MAPKAP1: variants seen among roughly 807,000 people sequenced by gnomAD.
The protein encoded by MAPKAP1 is target of rapamycin complex 2 subunit MAPKAP1.
Under a neutral mutation model 65.7 loss-of-function variants are expected in MAPKAP1, and 20 were observed. The ratio of observed to expected loss-of-function variants is 0.30; its 90% CI spans 0.21 to 0.44. The LOEUF is 0.44. Among genes scored for constraint, MAPKAP1 ranks in the 20% least tolerant of loss-of-function variants. The pLI, the probability that MAPKAP1 is intolerant of heterozygous loss-of-function variation, is 1.00. For missense variants in MAPKAP1, 423 were observed against 648.0 expected, an observed-to-expected ratio of 0.65 and a Z score of 3.77; for synonymous variants, 222 against 244.3, an observed-to-expected ratio of 0.91 and a Z score of 0.85.
intron 11 of MAPKAP1, 133 bp downstream of exon 11, chr9:125,444,365 ACTC>A (rs1852616438): frequency 1.5e-6 from 1 of 659,734 alleles, no homozygotes; most frequent in African/African-American, 1.8e-5. Context: ...AAGCTGCGAC[ACTC>A]CTCCTCTGCC....
chr9:125,543,661 T>C (rs1460894471), intron 6 of MAPKAP1, among the ~76,000 whole-genome samples: 1 of 152,014 alleles, frequency 6.6e-6, no homozygotes. Context: ...AAATGGTGGG[T>C]GGCGGGGGGG....
chr9:125,595,829 G>T lies in MAPKAP1; in HGVS notation c.499-10102C>A. ...GAAAGATTCCAACACCAAGCGTTCC[G>T]GGGGTTTTGGGTTTGTCACCTATGC... On this transcript the variant is annotated intron_variant, in intron 4 of 11. Transcript: ENST00000265960. The surrounding 1 kb of genome is among the most constrained non-coding windows in gnomAD (Gnocchi z 4.0). The T allele has an allele frequency of 8.9e-7, 1 of 1,120,974 alleles. No homozygotes were observed. Among genetic ancestry groups the T allele is most frequent in the South Asian group, 1.2e-5 (1 of 81,150 alleles). The allele number at this position is 1,120,974 out of a possible 1,614,324, so 69.4% of individuals were successfully genotyped here.
chr9:125,445,746 C>T (rs756259735), intron 10 of MAPKAP1, among the ~76,000 whole-genome samples: 39 of 152,268 alleles, frequency 2.6e-4, no homozygotes, highest in African/African-American at 8.9e-4. Flanking sequence ...GGGGCTGCCC[C>T]GGCCTATCGG....
intron 8 of MAPKAP1, among the ~76,000 whole-genome samples, chr9:125,485,630 C>G (rs1226024703): frequency 2.6e-5 from 4 of 152,192 alleles, no homozygotes; most frequent in African/African-American, 9.7e-5. Context: ...TGCCCTTGGC[C>G]TAGAACAACC....
chr9:125,530,137 C>T (rs530974306), intron 7 of MAPKAP1, among the ~76,000 whole-genome samples: 79 of 152,256 alleles, frequency 5.2e-4, no homozygotes, highest in African/African-American at 1.8e-3. Flanking sequence ...GGTGGGGTAA[C>T]TCTACTAAAG....
intron 10 of MAPKAP1, among the ~76,000 whole-genome samples, chr9:125,446,999 T>C (rs1188173446): frequency 6.6e-6 from 1 of 152,110 alleles, no homozygotes; most frequent in Non-Finnish European, 1.5e-5. Context: ...ACTATGGTGC[T>C]TGTGAAGCAT....
At chr9:125,698,749 G>C (rs1415145138) in intron 1 of MAPKAP1, among the ~76,000 whole-genome samples, 1 of 152,138 alleles carries the variant, frequency 6.6e-6, no homozygotes, top group East Asian at 1.9e-4. Flanking sequence ...CTAACAAAGA[G>C]CAGTTACAGG....
intron 7 of MAPKAP1, among the ~76,000 whole-genome samples, chr9:125,540,236 G>A (rs1830202666): frequency 6.6e-6 from 1 of 152,238 alleles, no homozygotes; most frequent in African/African-American, 2.4e-5. Flanking sequence ...TGGGGAAGGA[G>A]TGCCAGACTG....
At chr9:125,545,531 G>C (rs1211595485) in intron 6 of MAPKAP1, among the ~76,000 whole-genome samples, 1 of 152,200 alleles carries the variant, frequency 6.6e-6, no homozygotes, top group Non-Finnish European at 1.5e-5. Flanking sequence ...TGGACCTCAT[G>C]AACTGCCATC....
At chr9:125,451,963 C>T (rs1179067480) in intron 10 of MAPKAP1, among the ~76,000 whole-genome samples, 1 of 152,162 alleles carries the variant, frequency 6.6e-6, no homozygotes, top group Non-Finnish European at 1.5e-5. Context: ...GCGCCTGCCA[C>T]CACGCCAGGC....
intron 7 of MAPKAP1, among the ~76,000 whole-genome samples, chr9:125,529,336 C>T (rs955796371): frequency 1.3e-5 from 2 of 152,016 alleles, no homozygotes; most frequent in Non-Finnish European, 2.9e-5. Flanking sequence ...CCAACTGTCA[C>T]CCTTATATCC....
Position 125,468,093 on chromosome 9 carries a change from T to C in MAPKAP1, c.1224A>G (p.Lys408=). The C allele has an allele frequency of 6.2e-7, 1 of 1,614,162 alleles. No homozygotes were observed. Among genetic ancestry groups the C allele is most frequent in the Non-Finnish European group, 8.5e-7 (1 of 1,180,016 alleles). ...TDVQLGISGD[K]VEIDPVTNQK... ...GATTCGTAACAGGGTCTATCTCTAC[T>C]TTGTCTCCAGAGATACCTGTAAGCC... Residue 408 remains lysine (K), a synonymous_variant, in exon 10 of 12, where the codon AAA becomes AAG. Coordinates refer to ENST00000265960, the MANE Select transcript of MAPKAP1 (RefSeq NM_001006617.3).
At chr9:125,540,901 C>G (rs546380059) in intron 7 of MAPKAP1, among the ~76,000 whole-genome samples, 21 of 152,258 alleles carry the variant, frequency 1.4e-4, no homozygotes, top group African/African-American at 5.1e-4. Flanking sequence ...CTAAAAAGTT[C>G]AAAAACACAA....
chr9:125,578,058 C>A (rs1042876661), intron 5 of MAPKAP1, among the ~76,000 whole-genome samples: 3 of 151,988 alleles, frequency 2.0e-5, no homozygotes, highest in African/African-American at 7.2e-5. Flanking sequence ...GAGGTAGACA[C>A]GGGAGACTTT....
At chr9:125,570,069 C>T (rs1342291205) in intron 5 of MAPKAP1, among the ~76,000 whole-genome samples, 1 of 152,148 alleles carries the variant, frequency 6.6e-6, no homozygotes, top group Non-Finnish European at 1.5e-5. Context: ...ATTTACCTAC[C>T]TTAAAGCCAT....
chr9:125,492,561 G>A (rs1057373455), intron 8 of MAPKAP1, among the ~76,000 whole-genome samples: 1 of 152,190 alleles, frequency 6.6e-6, no homozygotes, highest in African/African-American at 2.4e-5. Flanking sequence ...GACACTTAGA[G>A]TTATATGACT....
intron 3 of MAPKAP1, among the ~76,000 whole-genome samples, chr9:125,667,564 C>T (rs1358035341): frequency 6.6e-6 from 1 of 152,164 alleles, no homozygotes; most frequent in Non-Finnish European, 1.5e-5. Flanking sequence ...AGTGATCTGC[C>T]TGCCTCCTGG....
intron 8 of MAPKAP1, among the ~76,000 whole-genome samples, chr9:125,503,444 A>C (rs893982822): frequency 7.2e-5 from 11 of 152,200 alleles, no homozygotes; most frequent in African/African-American, 2.7e-4. Flanking sequence ...AGACATGGCC[A>C]TTGATTCTTT....
At chr9:125,463,096 C>T (rs909034180) in intron 10 of MAPKAP1, among the ~76,000 whole-genome samples, 3 of 152,220 alleles carry the variant, frequency 2.0e-5, no homozygotes, top group South Asian at 4.1e-4. Context: ...AATCTTCTTG[C>T]CATCTTCTTT....
Sources: allele counts gnomAD v4.1 joint callset (sites outside exome capture counted in the v4.1 genomes callset), GRCh38; gene constraint gnomAD v4.1.1; non-coding constraint Gnocchi (gnomAD v3.1); transcripts MANE v1.5; gene names NCBI Gene and HGNC (gene_info 2026-07-23, HGNC 2026-07-21).